The following LPL variants were observed in gnomAD, a reference collection of about 807,000 sequenced individuals.
LPL encodes lipoprotein lipase.
In LPL, 43 loss-of-function variants were observed where a neutral mutation model predicts 52.2. That is an observed-to-expected ratio of 0.82 (90% CI 0.64 to 1.06). The LOEUF is 1.06. Ranked by LOEUF, LPL falls within the 50% of genes least tolerant of loss-of-function variation. The pLI is 0.00. For synonymous variants in LPL, 244 were observed against 215.6 expected (o/e 1.13, Z -1.15); for missense variants, 639 against 585.3 (o/e 1.09, Z -0.95).
intron 1 of LPL, among the ~76,000 whole-genome samples, chr8:19,941,693 C>G (rs1379765565): frequency 6.6e-6 from 1 of 152,236 alleles, no homozygotes; most frequent in African/African-American, 2.4e-5. Flanking sequence ...CCCATCACAG[C>G]AACTTTCTCC....
chr8:19,939,505 G>A lies in LPL; in HGVS notation c.65G>A (p.Arg22His). 1 of 1,609,726 alleles carries A rather than the reference G, an allele frequency of 6.2e-7. No individual in the cohort carries two copies. The highest frequency in any genetic ancestry group is 8.5e-7 in the Non-Finnish European group (1 of 1,178,726). ...TGGCTCCAGAGTCTGACCGCCTCCCGCGGAGGGGTGGCCGCCGCCGACCGT... is the reference window on the plus strand; with the variant it reads ...TGGCTCCAGAGTCTGACCGCCTCCCACGGAGGGGTGGCCGCCGCCGACCGT... ...AVWLQSLTAS[R>H]GGVAAADQRR... Residue 22 changes from arginine (R) to histidine (H), a missense_variant, in exon 1 of 10, where the codon CGC becomes CAC. Transcript: ENST00000650287. This position sits in a 1 kb window ranked among gnomAD's most constrained non-coding sequence, Gnocchi z 4.0.
At chr8:19,948,070 A>C in intron 1 of LPL, 110 bp from the exon 2 acceptor site, 1 of 1,210,776 alleles carries the variant, frequency 8.3e-7, no homozygotes, top group Non-Finnish European at 1.2e-6. Context: ...AACACTTCAG[A>C]AACAAAAATA....
chr8:19,943,644 A>G (rs1057079189), intron 1 of LPL, among the ~76,000 whole-genome samples: 1 of 152,210 alleles, frequency 6.6e-6, no homozygotes, highest in South Asian at 2.1e-4. Flanking sequence ...AAATATGCCT[A>G]TGTGATGACA....
Position 19,960,937 on chromosome 8 carries a change from A to G in LPL, c.1176A>G (p.Leu392=). ...EVSTNKTYSF[L]IYTEVDIGEL... is the part of the protein sequence containing the mutation. The stretch of plus-strand genomic sequence containing the variant: ...CCACAAATAAGACCTACTCCTTCCT[A>G]ATTTACACAGAGGTAGATATTGGAG... The change falls in exon 8 of 10, where the codon CTA becomes CTG. Residue 392 remains leucine, a synonymous_variant. Transcript: ENST00000650287. 1 of 1,614,004 alleles carries G rather than the reference A, an allele frequency of 6.2e-7. No individual in the cohort carries two copies. The highest frequency in any genetic ancestry group is 8.5e-7 in the Non-Finnish European group (1 of 1,179,942).
chr8:19,952,721 GGCTTCTCACCT>G (rs1372724184), intron 3 of LPL, among the ~76,000 whole-genome samples: 5 of 152,170 alleles, frequency 3.3e-5, no homozygotes, highest in Non-Finnish European at 5.9e-5. Context: ...CTGGGGCTCA[GGCTTCTCACCT>G]GTTAAATGAG....
chr8:19,964,667 T>A (rs2070069942), intron 9 of LPL, among the ~76,000 whole-genome samples: 1 of 152,136 alleles, frequency 6.6e-6, no homozygotes, highest in Non-Finnish European at 1.5e-5. Context: ...TAGCTGGGAT[T>A]ATAGGTGCCC....
At position 19,953,420 on chromosome 8, in the gene LPL, T is replaced by C. The variant is rs114830374; in HGVS notation, c.540T>C (p.Thr180=). The C allele has an allele frequency of 3.7e-6, 6 of 1,610,422 alleles. No individual in the cohort carries two copies. In the African/African-American group the frequency reaches 6.7e-5, roughly 18 times the overall value. ...CCAATAAGAAAGTCAACAGAATTAC[T>C]GGTAAGAAAGCAATTTCGTTGGTCT... ...SLTNKKVNRI[T]GLDPAGPNFE... Residue 180 remains threonine (T), a splice_region_variant and synonymous_variant, in exon 4 of 10, where the codon ACT becomes ACC. Transcript: ENST00000650287.
chr8:19,961,317 A>G (rs1417494843), intron 8 of LPL, among the ~76,000 whole-genome samples: 1 of 151,998 alleles, frequency 6.6e-6, no homozygotes, highest in Non-Finnish European at 1.5e-5. Flanking sequence ...TAAGCCCTGA[A>G]TCGCTCACAG....
intron 1 of LPL, among the ~76,000 whole-genome samples, chr8:19,940,312 G>T (rs1393358165): frequency 4.6e-5 from 7 of 152,328 alleles, no homozygotes; most frequent in Admixed American, 3.3e-4. Context: ...TCGCCGACTC[G>T]GGGGGTTGCC....
chr8:19,957,223 C>A (rs575933169), intron 6 of LPL, among the ~76,000 whole-genome samples: 7 of 152,058 alleles, frequency 4.6e-5, no homozygotes, highest in African/African-American at 1.7e-4. Flanking sequence ...AAGGAATGGT[C>A]GGAAAATGAG....
intron 2 of LPL, 78 bp downstream of exon 2, chr8:19,948,418 AG>A: frequency 7.8e-6 from 12 of 1,542,386 alleles, no homozygotes; most frequent in Non-Finnish European, 1.1e-5. Context: ...TTGGGGACCC[AG>A]TGATGGGTCC....
Position 19,965,360 on chromosome 8 carries a change from A to T in LPL, c.*50A>T, listed in dbSNP as rs1425916609. ...GAACGGCATGTGAATTCTGTGAAGA[A>T]TGAAGTGGAGGAAGTAACTTTTACA... On this transcript the variant is annotated 3_prime_UTR_variant, in exon 10 of 10. Coordinates refer to ENST00000650287, the MANE Select transcript of LPL (RefSeq NM_000237.3). 1 of 780,460 alleles carries T rather than the reference A, an allele frequency of 1.3e-6. No homozygotes were observed. The highest frequency in any genetic ancestry group is 2.4e-5 in the East Asian group (1 of 41,236). 48.3% of individuals were successfully genotyped at this position (780,460 alleles called of 1,614,324 possible). A position where few individuals can be genotyped will look rare whatever the true frequency, so the allele number is the denominator to read the frequency against.
In LPL at chr8:19,960,924, C is replaced by G. The variant is rs779549741; in HGVS notation, c.1163C>G (p.Thr388Ser). The change falls in exon 8 of 10, where the codon ACC (threonine) becomes AGC (serine). Residue 388 changes from threonine (T) to serine (S), a missense_variant. Coordinates refer to ENST00000650287, the MANE Select transcript of LPL (RefSeq NM_000237.3). ...FTLPEVSTNK[T>S]YSFLIYTEVD... The stretch of plus-strand genomic sequence containing the variant: ...AGGCCTGAAGTTTCCACAAATAAGA[C>G]CTACTCCTTCCTAATTTACACAGAG... 4 of 1,613,804 alleles carry G rather than the reference C, an allele frequency of 2.5e-6. No homozygotes were observed. Among genetic ancestry groups the G allele is most frequent in the Non-Finnish European group, 2.5e-6 (3 of 1,179,864 alleles).
In LPL at chr8:19,965,943, T is replaced by A. The variant is rs2070085278; in HGVS notation, c.*633T>A. The A allele has an allele frequency of 6.6e-6, 1 of 152,176 alleles. No homozygotes were observed. Among genetic ancestry groups the A allele is most frequent in the Admixed American group, 6.5e-5 (1 of 15,274 alleles). 9.4% of individuals were successfully genotyped at this position (152,176 alleles called of 1,614,324 possible). A position where few individuals can be genotyped will look rare whatever the true frequency, so the allele number is the denominator to read the frequency against. ...CCATTGGCCTGCATCATGACAAAGT[T>A]ACAAATTCAAGGAGATATAAAATCT... On this transcript the variant is annotated 3_prime_UTR_variant, in exon 10 of 10. Transcript: ENST00000650287.
rs2069869349 is a variant in LPL at position 19,944,818 on chromosome 8, C to T, written c.89-3362C>T. ...AATTTAGGAATAAAGATTCCATAGT[C>T]AGGAAAGGCACAATTTATAACTTGC... On this transcript the variant is annotated intron_variant, in intron 1 of 9. Coordinates refer to ENST00000650287, the MANE Select transcript of LPL (RefSeq NM_000237.3). The surrounding 1 kb of genome is among the most constrained non-coding windows in gnomAD (Gnocchi z 4.2). Among the ~76,000 whole-genome samples, 1 of 152,200 alleles carries T rather than the reference C, an allele frequency of 6.6e-6. No homozygotes were observed. The highest frequency in any genetic ancestry group is 2.1e-4 in the South Asian group (1 of 4,828).
At chr8:19,954,653 A>C (rs1195193195) in intron 5 of LPL, among the ~76,000 whole-genome samples, 6 of 152,232 alleles carry the variant, frequency 3.9e-5, no homozygotes, top group Admixed American at 6.5e-5. Context: ...ATAAAATGCT[A>C]TCTGGCCACA....
intron 4 of LPL, 72 bp from the exon 5 acceptor site, chr8:19,954,048 T>G (rs2069960493): frequency 3.9e-6 from 4 of 1,015,290 alleles, no homozygotes; most frequent in Non-Finnish European, 6.3e-6. Context: ...ATTCAAATGA[T>G]GAGCAGTGAC....
chr8:19,953,126 GAA>G lies in LPL; in HGVS notation c.430-180_430-179del, dbSNP rs536282555. Among the ~76,000 whole-genome samples the G allele has an allele frequency of 3.9e-3, 595 of 152,166 alleles. 6 individuals are homozygous for G. The highest frequency in any genetic ancestry group is 0.014 in the African/African-American group (569 of 41,530). On this transcript the variant is annotated intron_variant, in intron 3 of 9. Transcript: ENST00000650287. ...TTGTTTACGGAAAAGTGAAACAAAA[GAA>G]AAAGACAATTTTAACACTAGAGAAT...
intron 6 of LPL, among the ~76,000 whole-genome samples, chr8:19,958,566 T>TA (rs1420855232): frequency 1.4e-5 from 2 of 140,978 alleles, no homozygotes; most frequent in Non-Finnish European, 3.1e-5. Flanking sequence ...AAGTTCTTTT[T>TA]TAAAAAAAAT....
Sources: gnomAD v4.1 joint callset for allele counts (sites outside exome capture counted in the v4.1 genomes callset) on GRCh38, gnomAD v4.1.1 for gene constraint, Gnocchi (gnomAD v3.1) non-coding constraint, MANE v1.5 for transcripts, NCBI Gene and HGNC (gene_info 2026-07-23, HGNC 2026-07-21) for gene names.